Variants in PLEKHA1 observed in about 807,000 individuals in gnomAD.
PLEKHA1 encodes pleckstrin homology domain containing A1, also known as pleckstrin homology domain-containing family A member 1.
In PLEKHA1, 34 loss-of-function variants were observed where a neutral mutation model predicts 52.0. The ratio of observed to expected loss-of-function variants is 0.65; its 90% CI spans 0.50 to 0.87. The LOEUF is 0.87. PLEKHA1 is among the 40% of genes least tolerant of loss of function. PLEKHA1 has a pLI of 0.00. For missense variants in PLEKHA1, 497 were observed against 504.2 expected (o/e 0.99, Z 0.14); for synonymous variants, 163 against 170.7 (o/e 0.95, Z 0.35).
At chr10:122,418,440 T>A (rs1292424077) in intron 8 of PLEKHA1, 4 of 153,048 alleles carry the variant, frequency 2.6e-5, no homozygotes, top group Admixed American at 2.6e-4. Flanking sequence ...GTATATATGA[T>A]GAGGAATGAG....
chr10:122,381,174 A>G (rs2096609339), intron 1 of PLEKHA1, among the ~76,000 whole-genome samples: 1 of 152,218 alleles, frequency 6.6e-6, no homozygotes, highest in Admixed American at 6.5e-5. Flanking sequence ...AAGTGGGGTA[A>G]GGGCCAGATC....
rs2097402959 is a variant in PLEKHA1 at position 122,430,002 on chromosome 10, C to T, written c.*64C>T. The stretch of plus-strand genomic sequence containing the variant: ...CAGTTTCCTTTCATGAGGCTTCTAG[C>T]CAAAGATGATAAAGGGGGAAATGGT... On this transcript the variant is annotated 3_prime_UTR_variant, in exon 12 of 12. Transcript: ENST00000368990. 2 of 1,507,640 alleles carry T rather than the reference C, an allele frequency of 1.3e-6. No individual in the cohort carries two copies. The highest frequency in any genetic ancestry group is 1.8e-6 in the Non-Finnish European group (2 of 1,118,924). 93.4% of individuals were successfully genotyped at this position (1,507,640 alleles called of 1,614,324 possible).
chr10:122,417,765 A>T, intron 7 of PLEKHA1, 135 bp from the exon 8 acceptor site: 1 of 580,562 alleles, frequency 1.7e-6, no homozygotes, highest in African/African-American at 1.9e-5. Context: ...AATTTATCGC[A>T]TCTCTAAGGG....
chr10:122,381,146 C>T (rs560865025), intron 1 of PLEKHA1, among the ~76,000 whole-genome samples: 1 of 152,090 alleles, frequency 6.6e-6, no homozygotes, highest in Non-Finnish European at 1.5e-5. Flanking sequence ...CTTTGACTGC[C>T]ATGTTGAGAA....
chr10:122,389,451 A>G (rs1033865752), intron 1 of PLEKHA1, among the ~76,000 whole-genome samples: 6 of 152,196 alleles, frequency 3.9e-5, no homozygotes, highest in African/African-American at 1.2e-4. Flanking sequence ...TGTAATTCCA[A>G]CACTTTGGGA....
intron 3 of PLEKHA1, among the ~76,000 whole-genome samples, chr10:122,398,777 A>C (rs4598609): frequency 0.051 from 7,746 of 152,194 alleles, 252 homozygotes; most frequent in East Asian, 0.14. Flanking sequence ...CCAATTTACA[A>C]ATGTGCCTCT....
rs560667178 is a variant in PLEKHA1 at position 122,400,707 on chromosome 10, A to G, written c.244+319A>G. 1.4e-3 allele frequency among the ~76,000 whole-genome samples: 206 copies of G among 152,340 alleles called. 2 individuals are homozygous for G. Among genetic ancestry groups the G allele is most frequent in the African/African-American group, 4.4e-3 (183 of 41,564 alleles). ...AACTTTCTACGTCATGTTATTCTAT[A>G]TTAAACATATAAATAATTAAAAGGA... On this transcript the variant is annotated intron_variant, in intron 4 of 11. Coordinates refer to ENST00000368990, the MANE Select transcript of PLEKHA1 (RefSeq NM_001001974.4).
At chr10:122,400,701 T>C (rs1488664886) in intron 4 of PLEKHA1, among the ~76,000 whole-genome samples, 1 of 152,238 alleles carries the variant, frequency 6.6e-6, no homozygotes, top group African/African-American at 2.4e-5. Context: ...CGTCATGTTA[T>C]TCTATATTAA....
At chr10:122,437,644 T>G in the PLEKHA1 span, 2 of 152,140 alleles carry the variant, frequency 1.3e-5, no homozygotes, top group South Asian at 4.1e-4. Context: ...GAGGAGGAAG[T>G]AGCCATGATG....
chr10:122,375,290 G>T (rs1258013606), intron 1 of PLEKHA1, among the ~76,000 whole-genome samples: 1 of 152,154 alleles, frequency 6.6e-6, no homozygotes, highest in Non-Finnish European at 1.5e-5. Flanking sequence ...TGCCCGCGGG[G>T]CGCGCGTCCC....
chr10:122,394,831 T>C (rs1296129817), intron 2 of PLEKHA1, among the ~76,000 whole-genome samples: 1 of 152,218 alleles, frequency 6.6e-6, no homozygotes, highest in Non-Finnish European at 1.5e-5. Context: ...TGAATTTTAC[T>C]TGAAGCTCCT....
At chr10:122,385,722 G>A (rs2096683818) in intron 1 of PLEKHA1, among the ~76,000 whole-genome samples, 1 of 152,160 alleles carries the variant, frequency 6.6e-6, no homozygotes, top group Non-Finnish European at 1.5e-5. Context: ...CATCTCTACT[G>A]ATTTGTTCTA....
At chr10:122,378,050 T>C (rs991377738) in intron 1 of PLEKHA1, among the ~76,000 whole-genome samples, 1 of 152,252 alleles carries the variant, frequency 6.6e-6, no homozygotes, top group Non-Finnish European at 1.5e-5. Context: ...TTTAGCCCTT[T>C]AGGCAGCCTA....
downstream of PLEKHA1, chr10:122,437,033 T>C (rs1270351400): frequency 6.7e-6 from 1 of 149,648 alleles, no homozygotes; most frequent in Non-Finnish European, 1.5e-5. Flanking sequence ...TGGTACCTTA[T>C]CTTCATGTTA....
At chr10:122,397,231 A>G (rs2096862734) in intron 2 of PLEKHA1, among the ~76,000 whole-genome samples, 1 of 152,042 alleles carries the variant, frequency 6.6e-6, no homozygotes, top group Non-Finnish European at 1.5e-5. Flanking sequence ...CCTCCAGCCT[A>G]AATGTTGTTC....
At position 122,393,112 on chromosome 10, in the gene PLEKHA1, G is replaced by C; in HGVS notation, c.-20-69G>C. 2 of 1,315,148 alleles carry C rather than the reference G, an allele frequency of 1.5e-6. No homozygotes were observed. Among genetic ancestry groups the C allele is most frequent in the South Asian group, 3.5e-5 (2 of 57,256 alleles). 81.5% of individuals were successfully genotyped at this position (1,315,148 alleles called of 1,614,324 possible). A position where few individuals can be genotyped will look rare whatever the true frequency, so the allele number is the denominator to read the frequency against. Reference sequence around the variant, plus strand: ...TGGCAAGTTGCCCCCTCATTGAACAGATTTGCAGTCCATGAGAAATACTTT... The same window carrying C: ...TGGCAAGTTGCCCCCTCATTGAACACATTTGCAGTCCATGAGAAATACTTT... On this transcript the variant is annotated intron_variant, in intron 1 of 11. Coordinates refer to ENST00000368990, the MANE Select transcript of PLEKHA1 (RefSeq NM_001001974.4). The surrounding 1 kb of genome is among the most constrained non-coding windows in gnomAD (Gnocchi z 4.5).
chr10:122,407,699 G>T (rs2097042326), intron 5 of PLEKHA1, among the ~76,000 whole-genome samples: 1 of 152,206 alleles, frequency 6.6e-6, no homozygotes, highest in South Asian at 2.1e-4. Context: ...TAGCAGGCCT[G>T]CCTGGAAAAT....
intron 5 of PLEKHA1, among the ~76,000 whole-genome samples, chr10:122,409,117 T>C (rs1012806207): frequency 6.6e-6 from 1 of 152,198 alleles, no homozygotes; most frequent in Non-Finnish European, 1.5e-5. Flanking sequence ...TCTGTGACTT[T>C]CCTTACTTGA....
chr10:122,428,646 ATACT>A (rs1261258299), intron 11 of PLEKHA1, among the ~76,000 whole-genome samples: 4 of 152,168 alleles, frequency 2.6e-5, no homozygotes, highest in South Asian at 2.1e-4. Flanking sequence ...TTAAGATACA[ATACT>A]TACGAAATGC....
Sources: gnomAD v4.1 joint callset for allele counts (sites outside exome capture counted in the v4.1 genomes callset) on GRCh38, gnomAD v4.1.1 for gene constraint, Gnocchi (gnomAD v3.1) non-coding constraint, MANE v1.5 for transcripts, NCBI Gene and HGNC (gene_info 2026-07-23, HGNC 2026-07-21) for gene names.